The following PCDH9 variants were observed in gnomAD, a reference collection of about 807,000 sequenced individuals.
PCDH9 encodes the protein protocadherin 9.
PCDH9 carries 24 observed loss-of-function variants against 70.6 expected under a neutral mutation model. The ratio of observed to expected loss-of-function variants is 0.34; its 90% CI spans 0.25 to 0.48. The LOEUF (loss-of-function observed/expected upper bound fraction) is 0.48, where lower values mean the gene tolerates loss of function less well. Ranked by LOEUF, PCDH9 falls within the 20% of genes least tolerant of loss-of-function variation. The probability of loss-of-function intolerance (pLI) is 0.99; values close to 1 mark genes in which losing one functional copy is unlikely to be tolerated. For missense variants in PCDH9, 1,281 were observed against 1,503.6 expected (o/e 0.85, Z 2.45); for synonymous variants, 562 against 558.5 (o/e 1.01, Z -0.09).
At chr13:66,789,561 A>G (rs2080131713) in intron 3 of PCDH9, among the ~76,000 whole-genome samples, 1 of 151,946 alleles carries the variant, frequency 6.6e-6, no homozygotes, top group African/African-American at 2.4e-5. Context: ...GCTTTTATTT[A>G]AGAGCAACCA....
At chr13:66,801,174 T>C (rs754056253) in intron 3 of PCDH9, among the ~76,000 whole-genome samples, 7 of 152,052 alleles carry the variant, frequency 4.6e-5, no homozygotes, top group Non-Finnish European at 7.4e-5. Flanking sequence ...ACTAAATTAA[T>C]GAACATAATT....
chr13:67,164,386 C>T (rs1351415459), intron 2 of PCDH9, among the ~76,000 whole-genome samples: 1 of 151,780 alleles, frequency 6.6e-6, no homozygotes, highest in East Asian at 1.9e-4. Context: ...ACCAGCCTGG[C>T]CAAGATAATG....
At chr13:66,835,407 G>A in intron 3 of PCDH9, among the ~76,000 whole-genome samples, 1 of 152,156 alleles carries the variant, frequency 6.6e-6, no homozygotes, top group East Asian at 1.9e-4. Flanking sequence ...CCCAGGAAGG[G>A]AATATAAAAT....
chr13:66,753,976 C>T (rs1481643586), intron 3 of PCDH9, among the ~76,000 whole-genome samples: 1 of 152,124 alleles, frequency 6.6e-6, no homozygotes, highest in Non-Finnish European at 1.5e-5. Context: ...ATGAAATTAA[C>T]TTAATCATTC....
At chr13:66,428,815 G>C (rs925764375) in intron 4 of PCDH9, among the ~76,000 whole-genome samples, 7 of 151,422 alleles carry the variant, frequency 4.6e-5, no homozygotes, top group Non-Finnish European at 1.0e-4. Flanking sequence ...AACAAAAATG[G>C]AGCATTAACT....
rs1266873240 is a variant in PCDH9 at position 66,424,782 on chromosome 13, G to T, written c.3341-119754C>A. 2.0e-5 allele frequency among the ~76,000 whole-genome samples: 3 copies of T among 151,882 alleles called. 1 individual carries two copies. Among genetic ancestry groups the T allele is most frequent in the Admixed American group, 2.0e-4 (3 of 15,208 alleles). Reference sequence around the variant, plus strand: ...TTATAAATTTATATAATTTACGTTTGTGTAAACATCTCTGAGATTGCAGGT... The same window carrying T: ...TTATAAATTTATATAATTTACGTTTTTGTAAACATCTCTGAGATTGCAGGT... On this transcript the variant is annotated intron_variant, in intron 4 of 4. Coordinates refer to ENST00000377865, the MANE Select transcript of PCDH9 (RefSeq NM_203487.3).
At chr13:66,314,070 G>A (rs184556777) in intron 4 of PCDH9, among the ~76,000 whole-genome samples, 10 of 152,224 alleles carry the variant, frequency 6.6e-5, no homozygotes, top group Admixed American at 2.6e-4. Flanking sequence ...ATGTATATGA[G>A]TCACCTAGGA....
intron 3 of PCDH9, among the ~76,000 whole-genome samples, chr13:66,665,109 C>CTT (rs766181890): frequency 6.9e-5 from 2 of 29,164 alleles, no homozygotes; most frequent in Non-Finnish European, 1.4e-4. Flanking sequence ...CTTTTCTCTC[C>CTT]TTTTTTTTTT....
intron 3 of PCDH9, among the ~76,000 whole-genome samples, chr13:66,638,442 C>T (rs1039844702): frequency 6.6e-6 from 1 of 151,950 alleles, no homozygotes; most frequent in Non-Finnish European, 1.5e-5. Flanking sequence ...CTGTTGCCAG[C>T]CATAAATTAA....
chr13:67,007,071 C>T (rs963296895), intron 2 of PCDH9, among the ~76,000 whole-genome samples: 2 of 151,914 alleles, frequency 1.3e-5, no homozygotes, highest in Non-Finnish European at 2.9e-5. Context: ...AACATATTAC[C>T]TTGAAAAACT....
intron 2 of PCDH9, chr13:67,203,006 T>C (rs1271438872): frequency 1.3e-5 from 2 of 152,096 alleles, no homozygotes; most frequent in Non-Finnish European, 2.9e-5. Context: ...AGCAAATCTC[T>C]AGGTTGTTTT....
chr13:66,860,346 G>T (rs1283247191), intron 3 of PCDH9, among the ~76,000 whole-genome samples: 2 of 152,142 alleles, frequency 1.3e-5, no homozygotes, highest in Non-Finnish European at 2.9e-5. Context: ...GGGGAGGGGA[G>T]GGGTGGTGGA....
chr13:66,580,020 C>A (rs554131008), intron 4 of PCDH9, among the ~76,000 whole-genome samples: 16 of 152,046 alleles, frequency 1.1e-4, no homozygotes, highest in African/African-American at 3.6e-4. Flanking sequence ...TTATATATGT[C>A]TTTGATCTCT....
chr13:66,323,729 G>A (rs144759240), intron 4 of PCDH9, among the ~76,000 whole-genome samples: 5 of 151,426 alleles, frequency 3.3e-5, no homozygotes, highest in African/African-American at 9.7e-5. Flanking sequence ...TCTTAAGTAG[G>A]TTTTAAAGTG....
intron 3 of PCDH9, among the ~76,000 whole-genome samples, chr13:66,791,885 C>T (rs2080169475): frequency 1.3e-5 from 2 of 152,126 alleles, no homozygotes; most frequent in African/African-American, 4.8e-5. Flanking sequence ...CTGTATACCA[C>T]TCATAAATAC....
intron 3 of PCDH9, among the ~76,000 whole-genome samples, chr13:66,663,661 A>T (rs1012015098): frequency 5.3e-5 from 8 of 152,214 alleles, no homozygotes; most frequent in Non-Finnish European, 1.0e-4. Context: ...AACCAGACGC[A>T]TGGAGAGATT....
intron 4 of PCDH9, among the ~76,000 whole-genome samples, chr13:66,425,610 T>C (rs767876051): frequency 6.6e-5 from 10 of 151,690 alleles, no homozygotes; most frequent in Non-Finnish European, 1.0e-4. Context: ...GGAGTTCTCT[T>C]ATAAAATCCT....
intron 3 of PCDH9, among the ~76,000 whole-genome samples, chr13:66,671,914 C>A (rs932212249): frequency 2.6e-5 from 4 of 152,094 alleles, no homozygotes; most frequent in Non-Finnish European, 5.9e-5. Context: ...AAGCTGGCTG[C>A]AGAAATTTAC....
chr13:66,780,413 A>G (rs189154880), intron 3 of PCDH9, among the ~76,000 whole-genome samples: 84 of 152,286 alleles, frequency 5.5e-4, no homozygotes, highest in Non-Finnish European at 1.0e-3. Context: ...AACACAAGCA[A>G]CCCAGGTGCA....
Sources: gnomAD v4.1 joint callset for allele counts (sites outside exome capture counted in the v4.1 genomes callset) on GRCh38, gnomAD v4.1.1 for gene constraint, MANE v1.5 for transcripts, NCBI Gene and HGNC (gene_info 2026-07-23, HGNC 2026-07-21) for gene names.